Variants in GABRG3 observed in about 807,000 individuals in gnomAD.
GABRG3 encodes the protein gamma-aminobutyric acid type A receptor subunit gamma3.
Under a neutral mutation model 48.8 loss-of-function variants are expected in GABRG3, and 25 were observed. That is an observed-to-expected ratio of 0.51 (90% CI 0.37 to 0.72). GABRG3 has a LOEUF of 0.72. Among genes scored for constraint, GABRG3 ranks in the 30% least tolerant of loss-of-function variants. GABRG3 has a pLI of 0.00. For missense variants in GABRG3, 394 were observed against 577.9 expected, an observed-to-expected ratio of 0.68 and a Z score of 3.26; for synonymous variants, 227 against 217.6, an observed-to-expected ratio of 1.04 and a Z score of -0.38.
intron 5 of GABRG3, among the ~76,000 whole-genome samples, chr15:27,419,308 G>A (rs1229052290): frequency 3.3e-5 from 5 of 151,784 alleles, no homozygotes; most frequent in East Asian, 1.9e-4. Flanking sequence ...ATGACCACCC[G>A]GCCCTCAGGC....
At chr15:27,097,365 G>A (rs867683163) in intron 3 of GABRG3, among the ~76,000 whole-genome samples, 46 of 152,216 alleles carry the variant, frequency 3.0e-4, no homozygotes, top group African/African-American at 9.1e-4. Flanking sequence ...TCTGGGCTTA[G>A]GAAGAAAGAG....
At chr15:27,439,833 A>G (rs1158846782) in intron 5 of GABRG3, among the ~76,000 whole-genome samples, 1 of 152,210 alleles carries the variant, frequency 6.6e-6, no homozygotes, top group African/African-American at 2.4e-5. Flanking sequence ...TCCAGGTGAT[A>G]AATCTCGTCA....
intron 3 of GABRG3, among the ~76,000 whole-genome samples, chr15:27,114,998 T>G (rs1348643400): frequency 6.6e-6 from 1 of 152,216 alleles, no homozygotes; most frequent in Non-Finnish European, 1.5e-5. Flanking sequence ...GAAATATTAA[T>G]TTTTAGATAA....
chr15:26,997,559 C>T (rs1204484470), intron 2 of GABRG3, among the ~76,000 whole-genome samples: 1 of 152,180 alleles, frequency 6.6e-6, no homozygotes, highest in Non-Finnish European at 1.5e-5. Context: ...TCTACTTCCC[C>T]CAGAGAAGGC....
chr15:27,302,542 G>A (rs1016534692), intron 3 of GABRG3, among the ~76,000 whole-genome samples: 4 of 152,070 alleles, frequency 2.6e-5, no homozygotes, highest in Admixed American at 2.6e-4. Context: ...AGTTAAAGTT[G>A]GTGACTTCAA....
rs1195215964 is a variant in GABRG3, at chr15:27,532,878, C to CT, written c.1402dup (p.Ter468LeufsTer9). On this transcript the variant is annotated frameshift_variant, in exon 10 of 10. Coordinates refer to ENST00000615808, the MANE Select transcript of GABRG3 (RefSeq NM_033223.5). LOFTEE classifies it high-confidence loss of function. Reference sequence around the variant, plus strand: ...TCTACTGGGTTGGATACCTGTATCTCTAAGTGTTGCTCAGAGTGAAGAGTG... The same window carrying CT: ...TCTACTGGGTTGGATACCTGTATCTCTTAAGTGTTGCTCAGAGTGAAGAGTG... 2.2e-5 allele frequency: 36 copies of CT among 1,613,270 alleles called. No homozygotes were observed. The highest frequency in any genetic ancestry group is 3.0e-5 in the Non-Finnish European group (35 of 1,179,644).
chr15:27,439,264 G>A (rs1888710479), intron 5 of GABRG3, among the ~76,000 whole-genome samples: 2 of 152,282 alleles, frequency 1.3e-5, no homozygotes, highest in East Asian at 1.9e-4. Context: ...CAGCATGAGA[G>A]GAAAACTGCA....
chr15:27,515,159 C>A (rs572084864), intron 6 of GABRG3, among the ~76,000 whole-genome samples: 28 of 151,998 alleles, frequency 1.8e-4, no homozygotes, highest in African/African-American at 6.3e-4. Flanking sequence ...CGAGATAGTT[C>A]TCGGCTCACT....
intron 3 of GABRG3, among the ~76,000 whole-genome samples, chr15:27,164,489 G>A (rs1207360574): frequency 3.3e-5 from 5 of 152,176 alleles, no homozygotes; most frequent in African/African-American, 1.2e-4. Flanking sequence ...CTCAGTTGCA[G>A]CTGAAAGATC....
chr15:27,026,861 A>C (rs1177666000), intron 3 of GABRG3, 40 bp downstream of exon 3: 2 of 1,407,826 alleles, frequency 1.4e-6, no homozygotes, highest in Non-Finnish European at 2.0e-6. Flanking sequence ...CGGCTGTTGC[A>C]CCTCTTCTTG....
chr15:27,346,645 T>TTC (rs1196498614), intron 5 of GABRG3, among the ~76,000 whole-genome samples: 2 of 151,770 alleles, frequency 1.3e-5, no homozygotes, highest in Admixed American at 6.6e-5. Flanking sequence ...GATGCTTTTT[T>TTC]TCCTTATTTG....
chr15:27,242,479 A>G (rs559235462), intron 3 of GABRG3, among the ~76,000 whole-genome samples: 8 of 152,348 alleles, frequency 5.3e-5, no homozygotes, highest in Admixed American at 4.6e-4. Flanking sequence ...AGTGGTCCCT[A>G]ATTTACATAG....
chr15:27,408,545 C>T (rs1434945740), intron 5 of GABRG3, among the ~76,000 whole-genome samples: 1 of 152,082 alleles, frequency 6.6e-6, no homozygotes, highest in Non-Finnish European at 1.5e-5. Context: ...TGAACATTGA[C>T]ACAAGCAAAC....
At chr15:26,986,886 A>C (rs1432129) in intron 2 of GABRG3, among the ~76,000 whole-genome samples, 80,968 of 152,070 alleles carry the variant, frequency 0.53, 21,884 homozygotes, top group Middle Eastern at 0.61. Flanking sequence ...ATAATGAGTT[A>C]TCCCACCAGT....
Position 27,514,304 on chromosome 15 carries a change from G to C in GABRG3, c.713-5668G>C, listed in dbSNP as rs184076802. Reference sequence around the variant, plus strand: ...TTATAATTTCTGTGAATTAGGTGTGGCTTAGCGGGGAACTTTGTTTAGGCT... The same window carrying C: ...TTATAATTTCTGTGAATTAGGTGTGCCTTAGCGGGGAACTTTGTTTAGGCT... On this transcript the variant is annotated intron_variant, in intron 6 of 9. Transcript: ENST00000615808. 3.0e-3 allele frequency among the ~76,000 whole-genome samples: 458 copies of C among 152,310 alleles called. 3 individuals are homozygous for C. The highest frequency in any genetic ancestry group is 0.011 in the African/African-American group (442 of 41,586).
intron 2 of GABRG3, among the ~76,000 whole-genome samples, chr15:26,996,986 C>A (rs1166614153): frequency 6.6e-6 from 1 of 152,150 alleles, no homozygotes; most frequent in South Asian, 2.1e-4. Flanking sequence ...ACACATCTCT[C>A]TGAATCTCTG....
intron 5 of GABRG3, among the ~76,000 whole-genome samples, chr15:27,452,622 T>C (rs1889143739): frequency 6.6e-6 from 1 of 152,182 alleles, no homozygotes; most frequent in Non-Finnish European, 1.5e-5. Flanking sequence ...AAAGTGGAAG[T>C]AAGTGGATCA....
intron 3 of GABRG3, among the ~76,000 whole-genome samples, chr15:27,186,386 C>T (rs1317338281): frequency 2.0e-5 from 3 of 151,992 alleles, no homozygotes; most frequent in African/African-American, 7.3e-5. Flanking sequence ...ATATATGTAC[C>T]ACATTTTCTT....
chr15:26,973,324 G>A (rs1040404448), intron 1 of GABRG3, among the ~76,000 whole-genome samples: 1 of 152,138 alleles, frequency 6.6e-6, no homozygotes, highest in African/African-American at 2.4e-5. Context: ...CAGACATAAT[G>A]ATTTTCATTT....
Sources: allele counts gnomAD v4.1 joint callset (sites outside exome capture counted in the v4.1 genomes callset), GRCh38; gene constraint gnomAD v4.1.1; transcripts MANE v1.5; gene names NCBI Gene and HGNC (gene_info 2026-07-23, HGNC 2026-07-21).